CBX6: variants seen among roughly 807,000 people sequenced by gnomAD.
CBX6 encodes chromobox protein homolog 6.
Under a neutral mutation model 28.4 loss-of-function variants are expected in CBX6, and 7 were observed. The observed-to-expected ratio is 0.25, with a 90% CI of 0.14 to 0.46. The LOEUF is 0.46. Ranked by LOEUF, CBX6 falls within the 20% of genes least tolerant of loss-of-function variation. CBX6 has a pLI of 0.99. For missense variants in CBX6, 512 were observed against 606.1 expected (o/e 0.84, Z 1.63); for synonymous variants, 297 against 273.4 (o/e 1.09, Z -0.85).
At position 38,871,974 on chromosome 22, in the gene CBX6, G is replaced by A. The variant is rs1019291471; in HGVS notation, c.70-29C>T. The A allele has an allele frequency of 4.6e-6, 7 of 1,505,608 alleles. No individual in the cohort carries two copies. Among genetic ancestry groups the A allele is most frequent in the Admixed American group, 2.1e-5 (1 of 47,698 alleles). The allele number at this position is 1,505,608 out of a possible 1,614,324, so 93.3% of individuals were successfully genotyped here. A position where few individuals can be genotyped will look rare whatever the true frequency, so the allele number is the denominator to read the frequency against. ...AAAAACAGAGGGGAGAAAAACGGGG[G>A]TGGGGGTGGGGAGGATGCGGGGACG... On this transcript the variant is annotated intron_variant, in intron 1 of 4. Coordinates refer to ENST00000407418, the MANE Select transcript of CBX6 (RefSeq NM_014292.5). The surrounding 1 kb of genome is among the most constrained non-coding windows in gnomAD (Gnocchi z 5.6).
rs1186447876 is a variant in CBX6, at chr22:38,871,433, G to A, written c.246+47C>T. On this transcript the variant is annotated intron_variant, in intron 4 of 4. Coordinates refer to ENST00000407418, the MANE Select transcript of CBX6 (RefSeq NM_014292.5). The surrounding 1 kb of genome is among the most constrained non-coding windows in gnomAD (Gnocchi z 5.6). ...CCTTCCAGGCCCCGTGCTGTGCCGG[G>A]GCTGGGGGCCCGAGAGGGGGATGCT... 2 of 1,555,508 alleles carry A rather than the reference G, an allele frequency of 1.3e-6. No homozygotes were observed. Among genetic ancestry groups the A allele is most frequent in the Non-Finnish European group, 1.7e-6 (2 of 1,143,268 alleles).
In CBX6 at chr22:38,872,160, A is replaced by G; in HGVS notation, c.31T>C (p.Phe11Leu). 1 of 1,422,920 alleles carries G rather than the reference A, an allele frequency of 7.0e-7. No individual in the cohort carries two copies. Among genetic ancestry groups the G allele is most frequent in the South Asian group, 1.3e-5 (1 of 78,344 alleles). 88.1% of individuals were successfully genotyped at this position (1,422,920 alleles called of 1,614,324 possible). MELSAVGERV[F>L]AAESIIKRRI... ...CGTTTGATGATGGATTCGGCCGCGA[A>G]GACCCGCTCGCCCACTGCAGACAGC... is the stretch of plus-strand genomic sequence containing the variant. Residue 11 changes from phenylalanine (F) to leucine (L), a missense_variant, in exon 1 of 5, where the codon TTC (phenylalanine) becomes CTC (leucine). Around this residue, in one of 7 missense-constraint regions of CBX6, gnomAD observed 27 missense variants for 30.9 expected, o/e 0.87. Transcript: ENST00000407418. This position sits in a 1 kb window ranked among gnomAD's most constrained non-coding sequence, Gnocchi z 5.0.
In CBX6 at chr22:38,866,395, G is replaced by A. The variant is rs775494009; in HGVS notation, c.1053C>T (p.Ser351=). 2 of 1,613,214 alleles carry A rather than the reference G, an allele frequency of 1.2e-6. No homozygotes were observed. Among genetic ancestry groups the A allele is most frequent in the South Asian group, 1.1e-5 (1 of 91,062 alleles). ...PTAPEPAGAS[S]EPEAGDWRPE... is the part of the protein sequence containing the mutation. ...GGCGCCAGTCCCCAGCCTCGGGCTC[G>A]GAGGAGGCACCGGCGGGCTCAGGGG... Residue 351 remains serine, a synonymous_variant, in exon 5 of 5, where the codon TCC becomes TCT. Coordinates refer to ENST00000407418, the MANE Select transcript of CBX6 (RefSeq NM_014292.5). This position sits in a 1 kb window ranked among gnomAD's most constrained non-coding sequence, Gnocchi z 7.5.
In CBX6 at chr22:38,863,820, C is replaced by A. The variant is rs569110361; in HGVS notation, c.*2389G>T. On this transcript the variant is annotated 3_prime_UTR_variant, in exon 5 of 5. Coordinates refer to ENST00000407418, the MANE Select transcript of CBX6 (RefSeq NM_014292.5). ...GGGTGACCCGTGGGGAGGGAGGTCT[C>A]CCCCATAGGGTGGCGGTGGTGGGGA... 6.6e-6 allele frequency: 1 copy of A among 152,206 alleles called. No individual in the cohort carries two copies. Among genetic ancestry groups the A allele is most frequent in the Non-Finnish European group, 1.5e-5 (1 of 68,056 alleles). The allele number at this position is 152,206 out of a possible 1,614,324, so 9.4% of individuals were successfully genotyped here.
chr22:38,867,221 T>C lies in CBX6; in HGVS notation c.247-20A>G. ...CCGCGCCTGCGGGCAGAGGGAGGGG[T>C]GGGTGGGACCTCAGGACTGCCCGCT... On this transcript the variant is annotated intron_variant, in intron 4 of 4. Transcript: ENST00000407418. 1 of 373,920 alleles carries C rather than the reference T, an allele frequency of 2.7e-6. No individual in the cohort carries two copies. The highest frequency in any genetic ancestry group is 5.2e-6 in the Non-Finnish European group (1 of 193,754). 23.2% of individuals were successfully genotyped at this position (373,920 alleles called of 1,614,324 possible).
Position 38,865,407 on chromosome 22 carries a change from C to G in CBX6, c.*802G>C, listed in dbSNP as rs1240076769. ...AACTGTAAAGGGTGCCACCCGGCAG[C>G]CTGGGGCCTAGCACCCAATGCATGT... On this transcript the variant is annotated 3_prime_UTR_variant, in exon 5 of 5. Transcript: ENST00000407418. The G allele has an allele frequency of 6.5e-6, 1 of 152,748 alleles. No individual in the cohort carries two copies. Among genetic ancestry groups the G allele is most frequent in the Admixed American group, 6.5e-5 (1 of 15,292 alleles). The allele number at this position is 152,748 out of a possible 1,614,324, so 9.5% of individuals were successfully genotyped here.
At position 38,862,542 on chromosome 22, in the gene CBX6, AAAAGAAAGAAAG is replaced by A. The variant is rs1423090283; in HGVS notation, c.*3655_*3666del. 1.7e-5 allele frequency: 2 copies of A among 120,288 alleles called. No individual in the cohort carries two copies. The allele number at this position is 120,288 out of a possible 1,614,324, so 7.5% of individuals were successfully genotyped here. ...GCAAAAAAAAAAAAAAAAAAAAAAA[AAAAGAAAGAAAG>A]AAAAAAGAAAAACAAAAGAAAAAAG... On this transcript the variant is annotated 3_prime_UTR_variant, in exon 5 of 5. Transcript: ENST00000407418.
chr22:38,867,042 G>A lies in CBX6; in HGVS notation c.406C>T (p.Arg136Cys), dbSNP rs1415829564. ...CHRMSRRPLP[R>C]PDPQGGSPGL... is the part of the protein sequence containing the mutation. ...GGGCTGCCCCCCTGCGGGTCCGGGC[G>A]GGGCAGGGGACGGCGGGACATACGG... The change falls in exon 5 of 5, where the codon CGC becomes TGC. Residue 136 changes from arginine to cysteine, a missense_variant. This residue lies in a region of CBX6 where 123 missense variants were observed against 138.1 expected (regional missense o/e 0.89). Transcript: ENST00000407418. 1 of 1,605,672 alleles carries A rather than the reference G, an allele frequency of 6.2e-7. No individual in the cohort carries two copies. The highest frequency in any genetic ancestry group is 1.1e-5 in the South Asian group (1 of 90,514).
In CBX6 at chr22:38,872,077, GC is replaced by G; in HGVS notation, c.69+44del. ...TTCGCCCCGAGGGCCCCCGGCCCCG[GC>G]CCCGGCTGCGGACAGCGGCGGCCCG... On this transcript the variant is annotated intron_variant, in intron 1 of 4. Coordinates refer to ENST00000407418, the MANE Select transcript of CBX6 (RefSeq NM_014292.5). This position sits in a 1 kb window ranked among gnomAD's most constrained non-coding sequence, Gnocchi z 5.0. The G allele has an allele frequency of 3.1e-6, 4 of 1,309,072 alleles. No individual in the cohort carries two copies. Among genetic ancestry groups the G allele is most frequent in the South Asian group, 3.9e-5 (2 of 51,042 alleles). The allele number at this position is 1,309,072 out of a possible 1,614,324, so 81.1% of individuals were successfully genotyped here.
chr22:38,868,325 T>C (rs1031526526), intron 4 of CBX6, among the ~76,000 whole-genome samples: 8 of 152,136 alleles, frequency 5.3e-5, no homozygotes, highest in Non-Finnish European at 1.0e-4. Flanking sequence ...TATGAAGTGA[T>C]TTCGTGCAGC....
rs1319727468 is a variant in CBX6, at chr22:38,871,956, G to A, written c.70-11C>T. On this transcript the variant is annotated splice_polypyrimidine_tract_variant and intron_variant, in intron 1 of 4. Transcript: ENST00000407418. This position sits in a 1 kb window ranked among gnomAD's most constrained non-coding sequence, Gnocchi z 5.6. ...GTACTCGATGCGTCCCTGAAAAACAGAGGGGAGAAAAACGGGGGTGGGGGT... is the reference window on the plus strand; with the variant it reads ...GTACTCGATGCGTCCCTGAAAAACAAAGGGGAGAAAAACGGGGGTGGGGGT... 6.5e-7 allele frequency: 1 copy of A among 1,530,486 alleles called. No homozygotes were observed. Among genetic ancestry groups the A allele is most frequent in the Non-Finnish European group, 8.8e-7 (1 of 1,138,248 alleles). 94.8% of individuals were successfully genotyped at this position (1,530,486 alleles called of 1,614,324 possible).
In CBX6 at chr22:38,866,116, GGA is replaced by G; in HGVS notation, c.*91_*92del. The G allele has an allele frequency of 4.3e-6, 4 of 939,040 alleles. No individual in the cohort carries two copies. Among genetic ancestry groups the G allele is most frequent in the Non-Finnish European group, 6.3e-6 (4 of 630,034 alleles). The allele number at this position is 939,040 out of a possible 1,614,324, so 58.2% of individuals were successfully genotyped here. A position where few individuals can be genotyped will look rare whatever the true frequency, so the allele number is the denominator to read the frequency against. ...GCCATTTGAGACAAGCAAAGCACAG[GGA>G]GAGAGGGCTGGGGGCAAGGGTGGGG... On this transcript the variant is annotated 3_prime_UTR_variant, in exon 5 of 5. Coordinates refer to ENST00000407418, the MANE Select transcript of CBX6 (RefSeq NM_014292.5). This position sits in a 1 kb window ranked among gnomAD's most constrained non-coding sequence, Gnocchi z 7.5.
Position 38,866,096 on chromosome 22 carries a change from T to G in CBX6, c.*113A>C. 2 of 861,372 alleles carry G rather than the reference T, an allele frequency of 2.3e-6. No homozygotes were observed. The highest frequency in any genetic ancestry group is 3.5e-6 in the Non-Finnish European group (2 of 569,606). 53.4% of individuals were successfully genotyped at this position (861,372 alleles called of 1,614,324 possible). On this transcript the variant is annotated 3_prime_UTR_variant, in exon 5 of 5. Coordinates refer to ENST00000407418, the MANE Select transcript of CBX6 (RefSeq NM_014292.5). The surrounding 1 kb of genome is among the most constrained non-coding windows in gnomAD (Gnocchi z 7.5). ...CATCCCTGGGTCAACACCGAGCCATTTGAGACAAGCAAAGCACAGGGAGAG... is the reference window on the plus strand; with the variant it reads ...CATCCCTGGGTCAACACCGAGCCATGTGAGACAAGCAAAGCACAGGGAGAG...
rs2093160580 is a variant in CBX6, at chr22:38,862,778, G to C, written c.*3431C>G. ...CTCCTCCAGGACCTCCTGGCTCAGGGGCTCGAGGCCAGTCTTGTGCTGGCT... is the reference window on the plus strand; with the variant it reads ...CTCCTCCAGGACCTCCTGGCTCAGGCGCTCGAGGCCAGTCTTGTGCTGGCT... On this transcript the variant is annotated 3_prime_UTR_variant, in exon 5 of 5. Transcript: ENST00000407418. 1 of 152,264 alleles carries C rather than the reference G, an allele frequency of 6.6e-6. No individual in the cohort carries two copies. Among genetic ancestry groups the C allele is most frequent in the Non-Finnish European group, 1.5e-5 (1 of 68,116 alleles). The allele number at this position is 152,264 out of a possible 1,614,324, so 9.4% of individuals were successfully genotyped here.
At position 38,871,384 on chromosome 22, in the gene CBX6, T is replaced by G; in HGVS notation, c.246+96A>C. The G allele has an allele frequency of 7.7e-7, 1 of 1,296,512 alleles. No individual in the cohort carries two copies. Among genetic ancestry groups the G allele is most frequent in the Non-Finnish European group, 1.1e-6 (1 of 931,950 alleles). The allele number at this position is 1,296,512 out of a possible 1,614,324, so 80.3% of individuals were successfully genotyped here. A position where few individuals can be genotyped will look rare whatever the true frequency, so the allele number is the denominator to read the frequency against. On this transcript the variant is annotated intron_variant, in intron 4 of 4. Transcript: ENST00000407418. This position sits in a 1 kb window ranked among gnomAD's most constrained non-coding sequence, Gnocchi z 5.6. ...GCCCCTCTGAAAAGGCCGGCCCGCT[T>G]GGGCGGCCGCGTATCTGTCCCTCCC... is the stretch of plus-strand genomic sequence containing the variant.
Position 38,863,244 on chromosome 22 carries a change from T to G in CBX6, c.*2965A>C, listed in dbSNP as rs1485901334. 6 of 152,140 alleles carry G rather than the reference T, an allele frequency of 3.9e-5. No individual in the cohort carries two copies. The highest frequency in any genetic ancestry group is 7.3e-5 in the Non-Finnish European group (5 of 68,038). The allele number at this position is 152,140 out of a possible 1,614,324, so 9.4% of individuals were successfully genotyped here. On this transcript the variant is annotated 3_prime_UTR_variant, in exon 5 of 5. Coordinates refer to ENST00000407418, the MANE Select transcript of CBX6 (RefSeq NM_014292.5). Reference sequence around the variant, plus strand: ...CAGGGATGGGTCCCAACTTACCGTCTCAAACCAGAGACACCAGACCTCACC... The same window carrying G: ...CAGGGATGGGTCCCAACTTACCGTCGCAAACCAGAGACACCAGACCTCACC...
chr22:38,866,550 C>T lies in CBX6; in HGVS notation c.898G>A (p.Val300Met), dbSNP rs773623128. The stretch of plus-strand genomic sequence containing the variant: ...CGCCAGCTGGGGGCGGATGGGCTCA[C>T]GGTCTCGGGGAGGAGCTTGGGGGGC... ...DTPPKLLPET[V>M]SPSAPSWREP... Residue 300 changes from valine (V) to methionine (M), a missense_variant, in exon 5 of 5, where the codon GTG (valine) becomes ATG (methionine). Transcript: ENST00000407418. This position sits in a 1 kb window ranked among gnomAD's most constrained non-coding sequence, Gnocchi z 7.5. 1 of 1,578,636 alleles carries T rather than the reference C, an allele frequency of 6.3e-7. No homozygotes were observed. Among genetic ancestry groups the T allele is most frequent in the Admixed American group, 1.8e-5 (1 of 56,598 alleles).
In CBX6 at chr22:38,872,097, C is replaced by T. The variant is rs1309108682; in HGVS notation, c.69+25G>A. 1 of 1,340,468 alleles carries T rather than the reference C, an allele frequency of 7.5e-7. No homozygotes were observed. The highest frequency in any genetic ancestry group is 1.7e-5 in the South Asian group (1 of 60,530). The allele number at this position is 1,340,468 out of a possible 1,614,324, so 83.0% of individuals were successfully genotyped here. A position where few individuals can be genotyped will look rare whatever the true frequency, so the allele number is the denominator to read the frequency against. ...CCCCGGCCCCGGCTGCGGACAGCGG[C>T]GGCCCGCCCCGGGCGGCGGCTCACC... is the stretch of plus-strand genomic sequence containing the variant. On this transcript the variant is annotated intron_variant, in intron 1 of 4. Transcript: ENST00000407418. The surrounding 1 kb of genome is among the most constrained non-coding windows in gnomAD (Gnocchi z 5.0).
Position 38,867,064 on chromosome 22 carries a change from A to G in CBX6, c.384T>C (p.Arg128=). The part of the protein sequence containing the change: ...RLKKDIRRCH[R]MSRRPLPRPD... Reference sequence around the variant, plus strand: ...GGCGGGGCAGGGGACGGCGGGACATACGGTGGCAGCGGCGGATGTCCTTCT... The same window carrying G: ...GGCGGGGCAGGGGACGGCGGGACATGCGGTGGCAGCGGCGGATGTCCTTCT... The change falls in exon 5 of 5, where the codon CGT becomes CGC. Residue 128 remains arginine (R), a synonymous_variant. Coordinates refer to ENST00000407418, the MANE Select transcript of CBX6 (RefSeq NM_014292.5). 6.2e-7 allele frequency: 1 copy of G among 1,605,448 alleles called. No homozygotes were observed. The highest frequency in any genetic ancestry group is 8.5e-7 in the Non-Finnish European group (1 of 1,177,450).
Sources: allele counts gnomAD v4.1 joint callset (sites outside exome capture counted in the v4.1 genomes callset), GRCh38; gene constraint gnomAD v4.1.1; regional missense constraint gnomAD v4.1.1; non-coding constraint Gnocchi (gnomAD v3.1); transcripts MANE v1.5; gene names NCBI Gene and HGNC (gene_info 2026-07-23, HGNC 2026-07-21).